GALNS: variants seen among roughly 807,000 people sequenced by gnomAD.
GALNS encodes the protein galactosamine (N-acetyl)-6-sulfatase.
Under a neutral mutation model 65.9 loss-of-function variants are expected in GALNS, and 65 were observed. The ratio of observed to expected loss-of-function variants is 0.99; its 90% CI spans 0.81 to 1.21. The LOEUF is 1.21. Among genes scored for constraint, GALNS ranks in the 50% most tolerant of loss-of-function variants. GALNS has a pLI of 0.00. For missense variants in GALNS, 776 were observed against 700.7 expected (o/e 1.11, Z -1.21); for synonymous variants, 346 against 288.9 (o/e 1.20, Z -2.00).
At chr16:88,855,506 G>A (rs1221863257) in intron 1 of GALNS, 1 of 702,758 alleles carries the variant, frequency 1.4e-6, no homozygotes. Flanking sequence ...TGGAGAGCGT[G>A]CTCTGGAAAG....
chr16:88,840,021 T>C, intron 4 of GALNS, among the ~76,000 whole-genome samples: 1 of 152,232 alleles, frequency 6.6e-6, no homozygotes, highest in East Asian at 1.9e-4. Context: ...CCCCTGGCAC[T>C]GGCTCAGGGA....
chr16:88,832,443 C>T (rs533384411), intron 8 of GALNS, among the ~76,000 whole-genome samples: 1 of 152,322 alleles, frequency 6.6e-6, no homozygotes, highest in Admixed American at 6.5e-5. Flanking sequence ...CGTGAATGTT[C>T]ACAAGCCTCC....
intron 2 of GALNS, 40 bp from the exon 3 acceptor site, chr16:88,842,011 G>A: frequency 2.5e-6 from 4 of 1,570,538 alleles, no homozygotes; most frequent in Non-Finnish European, 3.5e-6. Context: ...GATAAGAAGG[G>A]TGTGGCTCAG....
intron 1 of GALNS, among the ~76,000 whole-genome samples, chr16:88,847,554 T>C (rs1967306100): frequency 1.3e-5 from 2 of 152,140 alleles, no homozygotes; most frequent in South Asian, 2.1e-4. Flanking sequence ...CGGGCCCTTG[T>C]AAAGTTTCCA....
At chr16:88,833,352 G>A (rs555192999) in intron 8 of GALNS, among the ~76,000 whole-genome samples, 1 of 150,714 alleles carries the variant, frequency 6.6e-6, no homozygotes, top group Admixed American at 6.6e-5. Context: ...ACACTGAGCT[G>A]GGGACACTGG....
intron 1 of GALNS, chr16:88,855,518 A>C (rs1022540849): frequency 1.4e-6 from 1 of 702,678 alleles, no homozygotes; most frequent in Non-Finnish European, 2.6e-6. Flanking sequence ...TCTGGAAAGC[A>C]GTCACTGCAC....
At position 88,837,919 on chromosome 16, in the gene GALNS, G is replaced by A. The variant is rs1163363309; in HGVS notation, c.423-154C>T. ...ATGCCTGGGCACGGCAGGGACAAAA[G>A]ACCAAGGCCTCACCCGAGGAGGGTG... On this transcript the variant is annotated intron_variant, in intron 4 of 13. Transcript: ENST00000268695. 5.4e-6 allele frequency: 4 copies of A among 736,148 alleles called. No homozygotes were observed. The African/African-American group carries it at 7.0e-5, about 13-fold the overall frequency. 45.6% of individuals were successfully genotyped at this position (736,148 alleles called of 1,614,324 possible). A position where few individuals can be genotyped will look rare whatever the true frequency, so the allele number is the denominator to read the frequency against.
rs398123440 is a variant in GALNS at position 88,835,779 on chromosome 16, G to A, written c.704C>T (p.Thr235Met). The change falls in exon 7 of 14, where the codon ACG becomes ATG. Residue 235 changes from threonine to methionine, a missense_variant. Physicochemically the swap from Thr to Met is moderately conservative, Grantham distance 81. Coordinates refer to ENST00000268695, the MANE Select transcript of GALNS (RefSeq NM_000512.5). The part of the protein sequence containing the change: ...PFFLYWAVDA[T>M]HAPVYASKPF... ...TTTGGAGGCATAGACGGGTGCGTGCGTGGCGTCGACAGCCCAGTAGAGGAA... is the reference window on the plus strand; with the variant it reads ...TTTGGAGGCATAGACGGGTGCGTGCATGGCGTCGACAGCCCAGTAGAGGAA... The A allele has an allele frequency of 1.2e-5, 20 of 1,614,028 alleles. No homozygotes were observed. The highest frequency in any genetic ancestry group is 5.3e-5 in the African/African-American group (4 of 74,938).
In GALNS at chr16:88,814,447, A is replaced by C. The variant is rs1435709418; in HGVS notation, c.1561T>G (p.Ser521Ala). Residue 521 changes from serine to alanine, a missense_variant, in exon 14 of 14, where the codon TCC becomes GCC. Coordinates refer to ENST00000268695, the MANE Select transcript of GALNS (RefSeq NM_000512.5). Reference sequence around the variant, plus strand: ...CTGAGTCTGCGCAGGTGCTAGTGGGACCAGAGGCACTTCTTGGGAATGGAT... The same window carrying C: ...CTGAGTCTGCGCAGGTGCTAGTGGGCCCAGAGGCACTTCTTGGGAATGGAT... ...PESIPKKCLWSH is the reference protein window; with the variant it reads ...PESIPKKCLWAH The C allele has an allele frequency of 6.4e-7, 1 of 1,559,864 alleles. No homozygotes were observed. Among genetic ancestry groups the C allele is most frequent in the Admixed American group, 1.9e-5 (1 of 52,056 alleles).
At chr16:88,854,495 T>C (rs1476597166) in intron 1 of GALNS, among the ~76,000 whole-genome samples, 2 of 152,124 alleles carry the variant, frequency 1.3e-5, no homozygotes, top group African/African-American at 4.8e-5. Flanking sequence ...TCCAGGCAGA[T>C]GAGATGATCA....
rs1237929417 is a variant in GALNS at position 88,835,855 on chromosome 16, G to A, written c.634-6C>T. 6.2e-7 allele frequency: 1 copy of A among 1,613,870 alleles called. No homozygotes were observed. Among genetic ancestry groups the A allele is most frequent in the Non-Finnish European group, 8.5e-7 (1 of 1,180,018 alleles). ...TTAATGAAGTCCAGGGCTTCCTATG[G>A]AGAGAGCCACACCGTCGTCCTCCAG... On this transcript the variant is annotated splice_region_variant and splice_polypyrimidine_tract_variant and intron_variant, in intron 6 of 13. Coordinates refer to ENST00000268695, the MANE Select transcript of GALNS (RefSeq NM_000512.5).
intron 6 of GALNS, 31 bp from the exon 7 acceptor site, chr16:88,835,880 G>A (rs545139343): frequency 9.9e-6 from 16 of 1,613,218 alleles, no homozygotes; most frequent in Non-Finnish European, 1.3e-5. Flanking sequence ...TCGTCCTCCA[G>A]CCTCAGGCCG....
At position 88,841,110 on chromosome 16, in the gene GALNS, T is replaced by A; in HGVS notation, c.320-16A>T. The stretch of plus-strand genomic sequence containing the variant: ...GGTGTGTAGGCTGGAAGAGCAGCGC[T>A]GGGTGAGCCCCGAGGAGACCCCGAG... On this transcript the variant is annotated splice_polypyrimidine_tract_variant and intron_variant, in intron 3 of 13. Coordinates refer to ENST00000268695, the MANE Select transcript of GALNS (RefSeq NM_000512.5). The A allele has an allele frequency of 6.2e-7, 1 of 1,606,610 alleles. No homozygotes were observed. The highest frequency in any genetic ancestry group is 8.5e-7 in the Non-Finnish European group (1 of 1,174,200).
rs758350954 is a variant in GALNS, at chr16:88,832,039, G to A, written c.961C>T (p.Pro321Ser). 3.1e-6 allele frequency: 5 copies of A among 1,613,832 alleles called. No homozygotes were observed. The South Asian group carries it at 4.4e-5, about 14-fold the overall frequency. Residue 321 changes from proline to serine, a missense_variant, in exon 9 of 14, where the codon CCT becomes TCT. Pro to Ser is a moderately conservative substitution (Grantham distance 74, BLOSUM62 -1). Transcript: ENST00000268695. Reference protein sequence around the residue: ...QTTFEGGMREPALAWWPGHVT... With the variant: ...QTTFEGGMRESALAWWPGHVT... ...TGCCCTGGCCACCATGCGAGGGCAG[G>A]CTCCCTCATCCCTCCTTCAAACGTG...
chr16:88,856,471 C>A lies in GALNS; in HGVS notation c.120+287G>T, dbSNP rs1251717680. 5 of 700,226 alleles carry A rather than the reference C, an allele frequency of 7.1e-6. 1 individual carries two copies. In the South Asian group the frequency reaches 7.5e-5, roughly 10 times the overall value. The allele number at this position is 700,226 out of a possible 1,614,324, so 43.4% of individuals were successfully genotyped here. A position where few individuals can be genotyped will look rare whatever the true frequency, so the allele number is the denominator to read the frequency against. ...CCCACCTGCCAGGGAGGACGCTGTC[C>A]CGGTCATGCAGCACAGTGGCAGCGC... On this transcript the variant is annotated intron_variant, in intron 1 of 13. Coordinates refer to ENST00000268695, the MANE Select transcript of GALNS (RefSeq NM_000512.5).
chr16:88,837,243 T>A (rs1194382399), intron 5 of GALNS, among the ~76,000 whole-genome samples: 1 of 152,120 alleles, frequency 6.6e-6, no homozygotes, highest in Non-Finnish European at 1.5e-5. Context: ...GGGGGTTTCA[T>A]CCCACCTCCT....
chr16:88,856,334 G>T (rs1306968387), intron 1 of GALNS: 2 of 702,494 alleles, frequency 2.8e-6, no homozygotes, highest in African/African-American at 3.5e-5. Flanking sequence ...CAGGGCGGCA[G>T]GAGCAGCCTC....
chr16:88,817,248 AGAC>A (rs61669303), intron 13 of GALNS: 356,882 of 984,878 alleles, frequency 0.36, 66,853 homozygotes, highest in East Asian at 0.71. Context: ...GGGCTGGACA[AGAC>A]GACGACGCAT....
intron 9 of GALNS, 43 bp downstream of exon 9, chr16:88,831,955 G>T (rs976892033): frequency 6.4e-7 from 1 of 1,561,342 alleles, no homozygotes; most frequent in Non-Finnish European, 8.8e-7. Context: ...GATGGCTGCA[G>T]GCCTGGACCT....
Sources: gnomAD v4.1 joint callset for allele counts (sites outside exome capture counted in the v4.1 genomes callset) on GRCh38, gnomAD v4.1.1 for gene constraint, MANE v1.5 for transcripts, NCBI Gene and HGNC (gene_info 2026-07-23, HGNC 2026-07-21) for gene names.